AOPEP: variants seen among roughly 807,000 people sequenced by gnomAD.
AOPEP encodes the protein aminopeptidase O.
In AOPEP, 77 loss-of-function variants were observed where a neutral mutation model predicts 98.1. The ratio of observed to expected loss-of-function variants is 0.78; its 90% CI spans 0.65 to 0.95. The LOEUF is 0.95. Among genes scored for constraint, AOPEP ranks in the 40% least tolerant of loss-of-function variants. The pLI, the probability that AOPEP is intolerant of heterozygous loss-of-function variation, is 0.00. For missense variants in AOPEP, 1,024 were observed against 1,024.7 expected (o/e 1.00, Z 0.01); for synonymous variants, 346 against 365.3 (o/e 0.95, Z 0.60).
chr9:94,868,309 T>C (rs1294697336), intron 5 of AOPEP, among the ~76,000 whole-genome samples: 1 of 152,182 alleles, frequency 6.6e-6, no homozygotes, highest in Admixed American at 6.5e-5. Context: ...GGGAAGGCAG[T>C]TGTCTGGGAG....
chr9:94,897,146 G>A (rs2049694542), intron 5 of AOPEP, among the ~76,000 whole-genome samples: 1 of 151,996 alleles, frequency 6.6e-6, no homozygotes, highest in African/African-American at 2.4e-5. Flanking sequence ...GAAGAGTAAT[G>A]ATGAGGGGTT....
intron 5 of AOPEP, among the ~76,000 whole-genome samples, chr9:94,827,379 G>A (rs1482339369): frequency 6.6e-6 from 1 of 152,146 alleles, no homozygotes; most frequent in African/African-American, 2.4e-5. Flanking sequence ...TGGTCTTTGA[G>A]CCTCAAACCC....
rs368523333 is a variant in AOPEP, at chr9:94,889,985, C to T, written c.1365-34001C>T. On this transcript the variant is annotated intron_variant, in intron 5 of 16. Coordinates refer to ENST00000375315, the MANE Select transcript of AOPEP (RefSeq NM_001193329.3). The stretch of plus-strand genomic sequence containing the variant: ...CATCTGTATATCCTCTTTGAAGTAT[C>T]TGTGCATATCTTTTGCCCATGTTCT... 1.7e-4 allele frequency among the ~76,000 whole-genome samples: 26 copies of T among 150,246 alleles called. No individual in the cohort carries two copies. In the East Asian group the frequency reaches 2.3e-3, roughly 13 times the overall value.
At chr9:94,913,316 T>G (rs2052353091) in intron 5 of AOPEP, among the ~76,000 whole-genome samples, 1 of 152,132 alleles carries the variant, frequency 6.6e-6, no homozygotes, top group East Asian at 1.9e-4. Flanking sequence ...GACTTTTATT[T>G]GTTTATTTTT....
At chr9:94,979,595 C>G (rs1205401135) in intron 11 of AOPEP, among the ~76,000 whole-genome samples, 168 bp downstream of exon 11, 4 of 152,232 alleles carry the variant, frequency 2.6e-5, no homozygotes, top group South Asian at 2.1e-4. Flanking sequence ...ATTTCCCCCC[C>G]TCATTGTGGG....
At chr9:94,731,758 C>A (rs1830594193) in intron 1 of AOPEP, among the ~76,000 whole-genome samples, 1 of 146,194 alleles carries the variant, frequency 6.8e-6, no homozygotes, top group South Asian at 2.2e-4. Context: ...TTTTTTCCCC[C>A]TGCCTTTTTT....
intron 5 of AOPEP, among the ~76,000 whole-genome samples, chr9:94,919,163 C>T (rs532571875): frequency 6.6e-6 from 1 of 152,230 alleles, no homozygotes; most frequent in South Asian, 2.1e-4. Flanking sequence ...ATCTGCCCAC[C>T]TCAGCCTCCC....
chr9:95,110,951 A>G, the AOPEP span: 1 of 1,382,458 alleles, frequency 7.2e-7, no homozygotes, highest in Non-Finnish European at 9.4e-7. Context: ...AAAGTGGTTA[A>G]TATCATCTGA....
chr9:94,926,643 G>T (rs898947151), intron 6 of AOPEP, among the ~76,000 whole-genome samples: 1 of 152,200 alleles, frequency 6.6e-6, no homozygotes, highest in Non-Finnish European at 1.5e-5. Flanking sequence ...TGCCCTGTGG[G>T]GCAGGGGTGG....
chr9:94,969,776 T>G (rs1190478149), intron 10 of AOPEP, among the ~76,000 whole-genome samples: 1 of 152,244 alleles, frequency 6.6e-6, no homozygotes. Context: ...TTAAACATTT[T>G]TTGAAGAAGA....
chr9:95,078,527 C>T (rs968215907), intron 14 of AOPEP, among the ~76,000 whole-genome samples: 1 of 152,230 alleles, frequency 6.6e-6, no homozygotes, highest in Non-Finnish European at 1.5e-5. Flanking sequence ...GTCTCACGCA[C>T]GGGACCCTCC....
At chr9:94,844,309 A>G (rs10821405) in intron 5 of AOPEP, among the ~76,000 whole-genome samples, 130,669 of 152,138 alleles carry the variant, frequency 0.86, 56,263 homozygotes, top group Non-Finnish European at 0.89. Context: ...GAAGCCCCCC[A>G]TACCCTTTTA....
At chr9:95,136,650 C>T in the AOPEP span, among the ~76,000 whole-genome samples, 1 of 152,164 alleles carries the variant, frequency 6.6e-6, no homozygotes, top group African/African-American at 2.4e-5. Flanking sequence ...CCACATCTGG[C>T]TATTTTTTTT....
intron 5 of AOPEP, among the ~76,000 whole-genome samples, chr9:94,848,329 A>G (rs955761622): frequency 2.0e-5 from 3 of 151,756 alleles, no homozygotes; most frequent in Admixed American, 6.6e-5. Flanking sequence ...GCAGGTGCCT[A>G]GAGTCCCAGC....
At chr9:94,919,612 T>G (rs1237113014) in intron 5 of AOPEP, among the ~76,000 whole-genome samples, 1 of 151,742 alleles carries the variant, frequency 6.6e-6, no homozygotes, top group African/African-American at 2.4e-5. Context: ...GGCGAGAGTG[T>G]TGACATACAT....
chr9:94,774,311 CAAAA>C (rs34936539), intron 3 of AOPEP, among the ~76,000 whole-genome samples: 4 of 67,806 alleles, frequency 5.9e-5, no homozygotes, highest in Non-Finnish European at 1.1e-4. Context: ...GACTCCATCT[CAAAA>C]AAAAAAAAAA....
the AOPEP span, chr9:95,099,566 G>A: frequency 3.5e-5 from 8 of 230,918 alleles, no homozygotes; most frequent in African/African-American, 1.8e-4. Context: ...TCTTGGAGGT[G>A]GAGGGAATGG....
chr9:94,844,836 G>A (rs1038935428), intron 5 of AOPEP, among the ~76,000 whole-genome samples: 1 of 152,152 alleles, frequency 6.6e-6, no homozygotes, highest in African/African-American at 2.4e-5. Flanking sequence ...TGGGCTGTCC[G>A]TGGGAGTGGG....
At chr9:95,031,555 A>G (rs987367934) in intron 13 of AOPEP, among the ~76,000 whole-genome samples, 31 of 152,200 alleles carry the variant, frequency 2.0e-4, no homozygotes, top group African/African-American at 5.5e-4. Context: ...AGCTCTGCCA[A>G]TGCCCCAGCA....
Sources: allele counts gnomAD v4.1 joint callset (sites outside exome capture counted in the v4.1 genomes callset), GRCh38; gene constraint gnomAD v4.1.1; transcripts MANE v1.5; gene names NCBI Gene and HGNC (gene_info 2026-07-23, HGNC 2026-07-21).